SIPA1L2: variants seen among roughly 807,000 people sequenced by gnomAD.
SIPA1L2 encodes signal induced proliferation associated 1 like 2.
In SIPA1L2, 56 loss-of-function variants were observed where a neutral mutation model predicts 163.9. The ratio of observed to expected loss-of-function variants is 0.34; its 90% confidence interval spans 0.28 to 0.43. The LOEUF is 0.43. Among genes scored for constraint, SIPA1L2 ranks in the 20% least tolerant of loss-of-function variants. The pLI is 1.00. For missense variants in SIPA1L2, 1,974 were observed against 2,193.5 expected, an observed-to-expected ratio of 0.90 and a Z score of 2.00; for synonymous variants, 877 against 865.7, an observed-to-expected ratio of 1.01 and a Z score of -0.23.
chr1:232,601,873 T>C (rs1661611832), intron 1 of SIPA1L2, among the ~76,000 whole-genome samples: 4 of 152,266 alleles, frequency 2.6e-5, no homozygotes, highest in Non-Finnish European at 2.9e-5. Flanking sequence ...TCTCATAATA[T>C]GTTTAACAAT....
At chr1:232,511,376 G>A (rs1236859041) in intron 3 of SIPA1L2, among the ~76,000 whole-genome samples, 1 of 152,204 alleles carries the variant, frequency 6.6e-6, no homozygotes, top group Admixed American at 6.5e-5. Flanking sequence ...AGGACAGAGA[G>A]ACAATTCACA....
At chr1:232,467,622 T>C (rs776951340) in intron 8 of SIPA1L2, among the ~76,000 whole-genome samples, 2 of 152,222 alleles carry the variant, frequency 1.3e-5, no homozygotes, top group African/African-American at 4.8e-5. Context: ...CCTGCAAATA[T>C]TGGGTACGAT....
chr1:232,417,777 C>A (rs980340430), intron 18 of SIPA1L2, among the ~76,000 whole-genome samples: 1 of 152,182 alleles, frequency 6.6e-6, no homozygotes, highest in East Asian at 1.9e-4. Context: ...GTTTTCTGCA[C>A]CGAGTGTAAA....
chr1:232,490,113 C>T (rs1665849609), intron 5 of SIPA1L2, among the ~76,000 whole-genome samples: 1 of 152,200 alleles, frequency 6.6e-6, no homozygotes, highest in East Asian at 1.9e-4. Flanking sequence ...GAATCAAGGG[C>T]AATCTCCTTG....
intron 2 of SIPA1L2, among the ~76,000 whole-genome samples, chr1:232,547,182 A>G (rs1029586110): frequency 6.6e-6 from 1 of 152,200 alleles, no homozygotes; most frequent in Non-Finnish European, 1.5e-5. Context: ...CTCCAAATAA[A>G]TAGAATTATA....
chr1:232,466,835 T>A (rs1664545347), intron 8 of SIPA1L2, among the ~76,000 whole-genome samples: 1 of 151,976 alleles, frequency 6.6e-6, no homozygotes. Flanking sequence ...AAAGGAAAGA[T>A]TAAGACGAGT....
intron 13 of SIPA1L2, 114 bp downstream of exon 13, chr1:232,441,654 T>G (rs1240873888): frequency 2.1e-6 from 2 of 938,400 alleles, no homozygotes; most frequent in Non-Finnish European, 3.3e-6. Flanking sequence ...TCACCTCAAC[T>G]TGGTGCACAT....
chr1:232,572,724 TATATAC>T (rs1323972309), intron 2 of SIPA1L2, among the ~76,000 whole-genome samples: 2 of 46,436 alleles, frequency 4.3e-5, no homozygotes, highest in African/African-American at 1.4e-4. Context: ...TATACACACA[TATATAC>T]ATACATACAT....
At chr1:232,402,546 C>G in intron 21 of SIPA1L2, 73 bp from the exon 22 acceptor site, 1 of 1,316,336 alleles carries the variant, frequency 7.6e-7, no homozygotes, top group Non-Finnish European at 1.1e-6. Context: ...AGTTTTCACT[C>G]GAAAAAATTA....
chr1:232,419,332 T>G (rs1661435587), intron 18 of SIPA1L2, among the ~76,000 whole-genome samples: 1 of 152,236 alleles, frequency 6.6e-6, no homozygotes, highest in Non-Finnish European at 1.5e-5. Context: ...TCTTTTCCAT[T>G]GATTAGAATA....
intron 3 of SIPA1L2, among the ~76,000 whole-genome samples, chr1:232,500,965 T>C (rs1011508736): frequency 4.6e-5 from 7 of 150,694 alleles, no homozygotes; most frequent in African/African-American, 1.7e-4. Flanking sequence ...CCAACAGCCA[T>C]CAATGTGGAG....
chr1:232,506,365 C>T (rs1260240828), intron 3 of SIPA1L2, among the ~76,000 whole-genome samples: 2 of 152,110 alleles, frequency 1.3e-5, no homozygotes, highest in African/African-American at 4.8e-5. Flanking sequence ...GACTAGGGCA[C>T]AAAGTAGTTC....
chr1:232,606,942 T>C (rs1573165956), intron 1 of SIPA1L2, among the ~76,000 whole-genome samples: 1 of 151,952 alleles, frequency 6.6e-6, no homozygotes, highest in South Asian at 2.1e-4. Flanking sequence ...TTCTGTTAAG[T>C]AGAGTCTAGT....
At chr1:232,482,012 T>A (rs1665386636) in intron 6 of SIPA1L2, among the ~76,000 whole-genome samples, 1 of 152,170 alleles carries the variant, frequency 6.6e-6, no homozygotes, top group Non-Finnish European at 1.5e-5. Context: ...CTTACATATC[T>A]CCTCTCTACT....
At chr1:232,534,779 G>A (rs1657201679) in intron 2 of SIPA1L2, among the ~76,000 whole-genome samples, 1 of 152,134 alleles carries the variant, frequency 6.6e-6, no homozygotes. Context: ...GACCTCTGGG[G>A]AGACTCATCA....
At chr1:232,621,875 G>A (rs1307042861) in intron 1 of SIPA1L2, among the ~76,000 whole-genome samples, 1 of 152,034 alleles carries the variant, frequency 6.6e-6, no homozygotes, top group Non-Finnish European at 1.5e-5. Flanking sequence ...GTCGACAGGT[G>A]TGCACCACCA....
At chr1:232,539,166 C>CT (rs1160289767) in intron 2 of SIPA1L2, among the ~76,000 whole-genome samples, 1 of 152,232 alleles carries the variant, frequency 6.6e-6, no homozygotes, top group Non-Finnish European at 1.5e-5. Flanking sequence ...ACACAAACCG[C>CT]TGCAGGTGAA....
intron 3 of SIPA1L2, among the ~76,000 whole-genome samples, chr1:232,508,913 G>A (rs903053435): frequency 2.0e-5 from 3 of 152,136 alleles, no homozygotes; most frequent in South Asian, 2.1e-4. Context: ...CCAACACGGC[G>A]AAACCCCATC....
chr1:232,604,326 C>G (rs1661773770), intron 1 of SIPA1L2, among the ~76,000 whole-genome samples: 1 of 152,168 alleles, frequency 6.6e-6, no homozygotes, highest in Non-Finnish European at 1.5e-5. Flanking sequence ...CTGTTGTATT[C>G]ATTTCCTTTC....
Sources: gnomAD v4.1 joint callset for allele counts (sites outside exome capture counted in the v4.1 genomes callset) on GRCh38, gnomAD v4.1.1 for gene constraint, MANE v1.5 for transcripts, NCBI Gene and HGNC (gene_info 2026-07-23, HGNC 2026-07-21) for gene names.